MARCHF3: variants seen among roughly 807,000 people sequenced by gnomAD.
MARCHF3 encodes E3 ubiquitin-protein ligase MARCHF3.
In MARCHF3, 13 loss-of-function variants were observed where a neutral mutation model predicts 24.2. The observed-to-expected ratio is 0.54, with a 90% CI of 0.35 to 0.85. The LOEUF (loss-of-function observed/expected upper bound fraction) is 0.85, where lower values mean the gene tolerates loss of function less well. Ranked by LOEUF, MARCHF3 falls within the 40% of genes least tolerant of loss-of-function variation. The pLI, the probability that MARCHF3 is intolerant of heterozygous loss-of-function variation, is 0.01. For synonymous variants in MARCHF3, 144 were observed against 137.3 expected, an observed-to-expected ratio of 1.05 and a Z score of -0.34; for missense variants, 276 against 325.0, an observed-to-expected ratio of 0.85 and a Z score of 1.16.
chr5:126,936,169 T>A (rs559303562), intron 1 of MARCHF3, among the ~76,000 whole-genome samples: 1 of 152,326 alleles, frequency 6.6e-6, no homozygotes, highest in South Asian at 2.1e-4. Context: ...TTTGGCAGTA[T>A]GTATCAATAA....
intron 1 of MARCHF3, among the ~76,000 whole-genome samples, chr5:127,018,917 A>G (rs1752710865): frequency 6.6e-6 from 1 of 152,214 alleles, no homozygotes; most frequent in Admixed American, 6.5e-5. Flanking sequence ...TCAATAAATA[A>G]TGGCCATTTA....
intron 1 of MARCHF3, among the ~76,000 whole-genome samples, chr5:127,005,642 T>C (rs558237879): frequency 2.6e-5 from 4 of 152,274 alleles, no homozygotes; most frequent in Non-Finnish European, 5.9e-5. Context: ...AGTGAGTATA[T>C]ATCTTTTATT....
intron 1 of MARCHF3, among the ~76,000 whole-genome samples, chr5:126,929,027 G>A (rs936181481): frequency 6.6e-6 from 1 of 152,100 alleles, no homozygotes; most frequent in Admixed American, 6.6e-5. Context: ...AAATCTTTTG[G>A]TTGGTTTGTT....
At chr5:126,889,533 C>G (rs1411006938) in intron 3 of MARCHF3, among the ~76,000 whole-genome samples, 2 of 151,984 alleles carry the variant, frequency 1.3e-5, no homozygotes, top group Non-Finnish European at 2.9e-5. Flanking sequence ...ACACGGAAAA[C>G]AGACGACAGA....
intron 1 of MARCHF3, among the ~76,000 whole-genome samples, chr5:126,994,178 G>A (rs1178274730): frequency 6.6e-6 from 1 of 152,192 alleles, no homozygotes; most frequent in Non-Finnish European, 1.5e-5. Context: ...CTACTCAGCA[G>A]TAAAAAGGAA....
chr5:126,922,987 T>C (rs1470349765), intron 1 of MARCHF3, among the ~76,000 whole-genome samples: 2 of 152,194 alleles, frequency 1.3e-5, no homozygotes, highest in African/African-American at 4.8e-5. Flanking sequence ...CATCCTTGCA[T>C]GTCCACTTCT....
intron 1 of MARCHF3, among the ~76,000 whole-genome samples, chr5:127,023,968 C>T (rs749803625): frequency 2.0e-5 from 3 of 152,092 alleles, no homozygotes; most frequent in Non-Finnish European, 4.4e-5. Context: ...CTTCAAATGA[C>T]ATTACAGTGA....
At chr5:126,924,135 C>T (rs558346805) in intron 1 of MARCHF3, among the ~76,000 whole-genome samples, 5 of 152,284 alleles carry the variant, frequency 3.3e-5, no homozygotes, top group Non-Finnish European at 7.4e-5. Flanking sequence ...ATCAATCATG[C>T]GCTTGCTCAT....
chr5:127,019,486 G>A (rs138770010), intron 1 of MARCHF3, among the ~76,000 whole-genome samples: 2 of 152,216 alleles, frequency 1.3e-5, no homozygotes, highest in Admixed American at 1.3e-4. Flanking sequence ...TCAGTGAGTT[G>A]AGAAGTCCTC....
At chr5:126,922,179 G>A (rs1749131617) in intron 1 of MARCHF3, among the ~76,000 whole-genome samples, 1 of 152,190 alleles carries the variant, frequency 6.6e-6, no homozygotes, top group Admixed American at 6.5e-5. Flanking sequence ...CTCTGCCTCA[G>A]CAGCCCCCAA....
chr5:126,914,379 ATTC>A lies in MARCHF3; in HGVS notation c.393+548_393+550del, dbSNP rs568451957. Among the ~76,000 whole-genome samples the A allele has an allele frequency of 1.8e-4, 28 of 152,238 alleles. 1 individual carries two copies. In the East Asian group the frequency reaches 5.4e-3, roughly 29 times the overall value. On this transcript the variant is annotated intron_variant, in intron 3 of 4. Coordinates refer to ENST00000308660, the MANE Select transcript of MARCHF3 (RefSeq NM_178450.5). ...TCAAACCGTTGCATATGTGCCCTGT[ATTC>A]TTTTAAGTGTTTTATAATATTAATT...
At chr5:126,995,067 G>A (rs1435212660) in intron 1 of MARCHF3, among the ~76,000 whole-genome samples, 1 of 152,230 alleles carries the variant, frequency 6.6e-6, no homozygotes, top group Admixed American at 6.5e-5. Context: ...CAGATTGAAG[G>A]TGGGTCGGCC....
chr5:126,951,871 A>C (rs868786734), intron 1 of MARCHF3, among the ~76,000 whole-genome samples: 21 of 151,458 alleles, frequency 1.4e-4, no homozygotes, highest in African/African-American at 5.1e-4. Context: ...TTTGAGACAG[A>C]GTTTCACTTT....
At chr5:127,017,000 A>T (rs1348928296) in intron 1 of MARCHF3, among the ~76,000 whole-genome samples, 1 of 152,354 alleles carries the variant, frequency 6.6e-6, no homozygotes, top group East Asian at 1.9e-4. Context: ...CATTCTCAGC[A>T]AACTATCACA....
intron 4 of MARCHF3, among the ~76,000 whole-genome samples, chr5:126,873,869 G>GT (rs1361645396): frequency 3.9e-5 from 6 of 152,192 alleles, no homozygotes; most frequent in African/African-American, 1.4e-4. Context: ...GAGACCACAG[G>GT]TTTGCATTGC....
chr5:126,876,014 C>T (rs906482789), intron 4 of MARCHF3, among the ~76,000 whole-genome samples: 7 of 152,038 alleles, frequency 4.6e-5, no homozygotes, highest in Admixed American at 1.3e-4. Flanking sequence ...TAGCACTGCC[C>T]GTGAGAAACA....
At chr5:126,911,693 G>C (rs1274077043) in intron 3 of MARCHF3, among the ~76,000 whole-genome samples, 3 of 152,102 alleles carry the variant, frequency 2.0e-5, no homozygotes, top group African/African-American at 7.2e-5. Context: ...TGATCCAGTA[G>C]AATGTAGTAA....
At chr5:126,900,369 T>A (rs1305877738) in intron 3 of MARCHF3, among the ~76,000 whole-genome samples, 4 of 152,048 alleles carry the variant, frequency 2.6e-5, no homozygotes, top group Non-Finnish European at 4.4e-5. Context: ...GTGGGGCCTT[T>A]GGGAGGTGAT....
chr5:126,887,351 G>C (rs1006353690), intron 3 of MARCHF3, among the ~76,000 whole-genome samples: 54 of 152,264 alleles, frequency 3.5e-4, no homozygotes, highest in Middle Eastern at 6.8e-3. Flanking sequence ...CAGTACCTGC[G>C]ACTTTGTCAC....
Sources: allele counts gnomAD v4.1 joint callset (sites outside exome capture counted in the v4.1 genomes callset), GRCh38; gene constraint gnomAD v4.1.1; transcripts MANE v1.5; gene names NCBI Gene and HGNC (gene_info 2026-07-23, HGNC 2026-07-21).